The following MGMT variants were observed in gnomAD, a reference collection of about 807,000 sequenced individuals.
MGMT encodes O-6-methylguanine-DNA methyltransferase.
A neutral mutation model predicts 15.9 loss-of-function variants in MGMT; 14 were observed. The ratio of observed to expected loss-of-function variants is 0.88; its 90% CI spans 0.58 to 1.37. MGMT has a LOEUF of 1.37. MGMT is among the 40% of genes most tolerant of loss of function. The probability of loss-of-function intolerance (pLI) is 0.00; values close to 1 mark genes in which losing one functional copy is unlikely to be tolerated. For missense variants in MGMT, 282 were observed against 268.1 expected (o/e 1.05, Z -0.36); for synonymous variants, 130 against 118.2 (o/e 1.10, Z -0.65).
intron 2 of MGMT, among the ~76,000 whole-genome samples, chr10:129,656,421 G>T (rs1847525117): frequency 6.6e-6 from 1 of 152,288 alleles, no homozygotes; most frequent in Non-Finnish European, 1.5e-5. Context: ...CTACTTCCAG[G>T]CCTCTGGAAG....
intron 3 of MGMT, among the ~76,000 whole-genome samples, chr10:129,756,283 G>A (rs970662835): frequency 3.3e-5 from 5 of 152,122 alleles, no homozygotes; most frequent in Non-Finnish European, 7.3e-5. Flanking sequence ...CCAGCCCAAG[G>A]TACCCAGCAC....
intron 4 of MGMT, among the ~76,000 whole-genome samples, chr10:129,765,741 G>T (rs1350126402): frequency 1.3e-5 from 2 of 152,168 alleles, no homozygotes; most frequent in Non-Finnish European, 2.9e-5. Context: ...ACCTGCAGGA[G>T]CCCTAACAGT....
intron 2 of MGMT, among the ~76,000 whole-genome samples, chr10:129,619,767 T>A (rs1254731359): frequency 6.6e-6 from 1 of 152,234 alleles, no homozygotes; most frequent in African/African-American, 2.4e-5. Context: ...AATCTTCTCT[T>A]ATCCAGTTAT....
intron 2 of MGMT, among the ~76,000 whole-genome samples, chr10:129,695,839 C>T (rs1399097735): frequency 6.6e-6 from 1 of 152,186 alleles, no homozygotes; most frequent in Admixed American, 6.5e-5. Flanking sequence ...GCACAGCCTG[C>T]AGGCCTTATC....
chr10:129,753,947 T>C (rs1589976939), intron 3 of MGMT, among the ~76,000 whole-genome samples: 1 of 152,340 alleles, frequency 6.6e-6, no homozygotes, highest in East Asian at 1.9e-4. Context: ...GTAGTCAACC[T>C]GGTTGGATTT....
At position 129,676,538 on chromosome 10, in the gene MGMT, G is replaced by T. The variant is rs561521083; in HGVS notation, c.126-31357G>T. ...GTGGCTGAGATCAGCAAGACGACGT[G>T]TTTGCAGGGGTTGGGCCACACCAGG... is the stretch of plus-strand genomic sequence containing the variant. On this transcript the variant is annotated intron_variant, in intron 2 of 4. Transcript: ENST00000651593. 1.0e-3 allele frequency among the ~76,000 whole-genome samples: 152 copies of T among 152,322 alleles called. 1 individual carries two copies. The highest frequency in any genetic ancestry group is 3.6e-3 in the African/African-American group (149 of 41,578).
chr10:129,707,746 C>T, intron 2 of MGMT, 149 bp from the exon 3 acceptor site: 1 of 1,060,534 alleles, frequency 9.4e-7, no homozygotes, highest in Non-Finnish European at 1.4e-6. Context: ...CCTCACCAGT[C>T]CCCCTTTCTG....
intron 2 of MGMT, among the ~76,000 whole-genome samples, chr10:129,634,026 A>G (rs1440143260): frequency 6.6e-6 from 1 of 152,118 alleles, no homozygotes; most frequent in Non-Finnish European, 1.5e-5. Context: ...TTCTCATTGC[A>G]CTGGTCTACT....
Position 129,580,530 on chromosome 10 carries a change from G to A in MGMT, c.125+44153G>A, listed in dbSNP as rs906051614. Among the ~76,000 whole-genome samples, 3 of 152,254 alleles carry A rather than the reference G, an allele frequency of 2.0e-5. No individual in the cohort carries two copies. In the South Asian group the frequency reaches 6.2e-4, roughly 32 times the overall value. On this transcript the variant is annotated intron_variant, in intron 2 of 4. Transcript: ENST00000651593. Reference sequence around the variant, plus strand: ...CTAGGTCTAGACGTTCCTAGGCTGGGGCTCAGTGATACCCTAAAGCCCATG... The same window carrying A: ...CTAGGTCTAGACGTTCCTAGGCTGGAGCTCAGTGATACCCTAAAGCCCATG...
chr10:129,599,123 A>G (rs1846787413), intron 2 of MGMT, among the ~76,000 whole-genome samples: 1 of 152,254 alleles, frequency 6.6e-6, no homozygotes, highest in Non-Finnish European at 1.5e-5. Flanking sequence ...AGATGGACAG[A>G]AAAAGGAAAG....
intron 2 of MGMT, among the ~76,000 whole-genome samples, chr10:129,692,958 G>A (rs1313185159): frequency 6.6e-6 from 1 of 152,246 alleles, no homozygotes; most frequent in African/African-American, 2.4e-5. Context: ...TAGAGTGGAC[G>A]CCACTCGCTG....
chr10:129,544,404 A>G (rs1846077485), intron 2 of MGMT, among the ~76,000 whole-genome samples: 1 of 152,120 alleles, frequency 6.6e-6, no homozygotes, highest in Non-Finnish European at 1.5e-5. Context: ...TGCGGCTTTC[A>G]CCCTCAGGAA....
chr10:129,627,922 C>A (rs1218558184), intron 2 of MGMT, among the ~76,000 whole-genome samples: 3 of 152,052 alleles, frequency 2.0e-5, no homozygotes, highest in Non-Finnish European at 4.4e-5. Flanking sequence ...TATTGTCTTC[C>A]CTGTTGTGTC....
intron 1 of MGMT, among the ~76,000 whole-genome samples, chr10:129,487,954 A>C (rs200890444): frequency 1.6e-4 from 22 of 134,822 alleles, no homozygotes; most frequent in Admixed American, 7.3e-4. Context: ...TACACACACA[A>C]ACACACATAG....
chr10:129,563,698 TA>T (rs1846306429), intron 2 of MGMT: 1 of 152,210 alleles, frequency 6.6e-6, no homozygotes, highest in African/African-American at 2.4e-5. Flanking sequence ...CATGGGTTGC[TA>T]ATTTTTGGAG....
chr10:129,494,400 C>T (rs1457329029), intron 1 of MGMT, among the ~76,000 whole-genome samples: 1 of 152,232 alleles, frequency 6.6e-6, no homozygotes, highest in Non-Finnish European at 1.5e-5. Context: ...ATGACCTGCT[C>T]AGTGGCCAGC....
At chr10:129,727,610 C>G (rs964964098) in intron 3 of MGMT, among the ~76,000 whole-genome samples, 1 of 152,226 alleles carries the variant, frequency 6.6e-6, no homozygotes, top group Admixed American at 6.5e-5. Flanking sequence ...ATAGCTGGTC[C>G]TTGTCCTTTC....
chr10:129,595,605 G>A lies in MGMT; in HGVS notation c.125+59228G>A, dbSNP rs140965215. ...GTTGACTGGATGCGTTTATGTGGGC[G>A]CTGCGATACTCTTCTTGGGGCGGGG... On this transcript the variant is annotated intron_variant, in intron 2 of 4. Transcript: ENST00000651593. Among the ~76,000 whole-genome samples, 348 of 152,230 alleles carry A rather than the reference G, an allele frequency of 2.3e-3. 1 individual carries two copies. The highest frequency in any genetic ancestry group is 7.9e-3 in the African/African-American group (329 of 41,538).
At position 129,556,347 on chromosome 10, in the gene MGMT, T is replaced by C. The variant is rs144450368; in HGVS notation, c.125+19970T>C. Among the ~76,000 whole-genome samples the C allele has an allele frequency of 6.0e-3, 916 of 152,282 alleles. 5 individuals are homozygous for C. Among genetic ancestry groups the C allele is most frequent in the Non-Finnish European group, 9.2e-3 (623 of 68,014 alleles). Reference sequence around the variant, plus strand: ...CATTAGAGGAGCCCCTCACCCAGTGTGACCGGTGTCCCCATGAGATGGAGG... The same window carrying C: ...CATTAGAGGAGCCCCTCACCCAGTGCGACCGGTGTCCCCATGAGATGGAGG... On this transcript the variant is annotated intron_variant, in intron 2 of 4. Coordinates refer to ENST00000651593, the MANE Select transcript of MGMT (RefSeq NM_002412.5). The surrounding 1 kb of genome is among the most constrained non-coding windows in gnomAD (Gnocchi z 4.3).
Sources: allele counts gnomAD v4.1 joint callset (sites outside exome capture counted in the v4.1 genomes callset), GRCh38; gene constraint gnomAD v4.1.1; non-coding constraint Gnocchi (gnomAD v3.1); transcripts MANE v1.5; gene names NCBI Gene and HGNC (gene_info 2026-07-23, HGNC 2026-07-21).